SNX25: variants seen among roughly 807,000 people sequenced by gnomAD.
SNX25 encodes sorting nexin-25.
A neutral mutation model predicts 113.7 loss-of-function variants in SNX25; 62 were observed. The observed-to-expected ratio is 0.55, with a 90% CI of 0.44 to 0.67. SNX25 has a LOEUF of 0.67. Among genes scored for constraint, SNX25 ranks in the 30% least tolerant of loss-of-function variants. The probability of loss-of-function intolerance (pLI) is 0.00; values close to 1 mark genes in which losing one functional copy is unlikely to be tolerated. For synonymous variants in SNX25, 421 were observed against 436.2 expected, an observed-to-expected ratio of 0.97 and a Z score of 0.43; for missense variants, 1,014 against 1,161.0, an observed-to-expected ratio of 0.87 and a Z score of 1.84.
At position 185,334,287 on chromosome 4, in the gene SNX25, A is replaced by G. The variant is rs1579828627; in HGVS notation, c.1914+1528A>G. 2.0e-5 allele frequency among the ~76,000 whole-genome samples: 3 copies of G among 152,284 alleles called. No homozygotes were observed. In the South Asian group the frequency reaches 6.2e-4, roughly 32 times the overall value. Reference sequence around the variant, plus strand: ...CGGGAGGCAGAAGTTGCGTGAGCCAAGATCATGCCACTGCACTTCCAGCCT... The same window carrying G: ...CGGGAGGCAGAAGTTGCGTGAGCCAGGATCATGCCACTGCACTTCCAGCCT... On this transcript the variant is annotated intron_variant, in intron 10 of 18. Coordinates refer to ENST00000652585, the MANE Select transcript of SNX25 (RefSeq NM_001378034.2). The surrounding 1 kb of genome is among the most constrained non-coding windows in gnomAD (Gnocchi z 4.2).
chr4:185,370,181 A>G (rs2095410220), exon 12 of SNX25: 1 of 164,576 alleles, frequency 6.1e-6, no homozygotes, highest in Admixed American at 5.8e-5. Flanking sequence ...ACATGGATTA[A>G]AATATGAAAG....
At chr4:185,357,847 C>A in intron 16 of SNX25, 110 bp downstream of exon 16, 1 of 926,628 alleles carries the variant, frequency 1.1e-6, no homozygotes. Flanking sequence ...CTTTAATTTT[C>A]TCTCACTTTT....
At chr4:185,223,804 G>A (rs1238689888) in intron 1 of SNX25, among the ~76,000 whole-genome samples, 2 of 151,696 alleles carry the variant, frequency 1.3e-5, no homozygotes, top group Admixed American at 6.6e-5. Flanking sequence ...AGTAGCTGTT[G>A]ACACTCAATA....
intron 2 of SNX25, among the ~76,000 whole-genome samples, chr4:185,258,537 A>G (rs1000907198): frequency 2.6e-5 from 4 of 152,324 alleles, no homozygotes; most frequent in Non-Finnish European, 5.9e-5. Context: ...GGTACACTTC[A>G]TAAGTGTATT....
At chr4:185,315,024 C>A (rs909578995) in intron 7 of SNX25, among the ~76,000 whole-genome samples, 1 of 151,066 alleles carries the variant, frequency 6.6e-6, no homozygotes, top group South Asian at 2.1e-4. Flanking sequence ...GTCAGGAGAT[C>A]GAGACCATCC....
chr4:185,258,719 C>G, intron 2 of SNX25, 129 bp from the exon 3 acceptor site: 1 of 699,888 alleles, frequency 1.4e-6, no homozygotes, highest in Non-Finnish European at 2.3e-6. Flanking sequence ...CTCATGAGTT[C>G]TGTTTTCTCC....
At chr4:185,269,190 A>C (rs1748560980) in intron 5 of SNX25, among the ~76,000 whole-genome samples, 1 of 151,724 alleles carries the variant, frequency 6.6e-6, no homozygotes, top group South Asian at 2.1e-4. Context: ...CTTTTAAAGC[A>C]TCATTCTATA....
At chr4:185,222,329 C>T (rs1241014082) in intron 1 of SNX25, among the ~76,000 whole-genome samples, 1 of 151,262 alleles carries the variant, frequency 6.6e-6, no homozygotes, top group East Asian at 2.0e-4. Context: ...AGGTATACAG[C>T]ACCATATAAC....
At chr4:185,271,281 G>GTCTA in intron 5 of SNX25, among the ~76,000 whole-genome samples, 1 of 152,198 alleles carries the variant, frequency 6.6e-6, no homozygotes, top group East Asian at 1.9e-4. Flanking sequence ...CAGGTGACTA[G>GTCTA]TCTATTAGAG....
At chr4:185,250,726 T>C (rs567132648) in intron 2 of SNX25, among the ~76,000 whole-genome samples, 18 of 151,982 alleles carry the variant, frequency 1.2e-4, no homozygotes, top group African/African-American at 4.3e-4. Flanking sequence ...TTTATGGTTT[T>C]TTTTTTTTTT....
At chr4:185,285,947 T>TA (rs1035291567) in intron 5 of SNX25, among the ~76,000 whole-genome samples, 1 of 151,426 alleles carries the variant, frequency 6.6e-6, no homozygotes, top group East Asian at 1.9e-4. Context: ...TAATTTTTTT[T>TA]TTTTATTTTT....
At chr4:185,237,661 G>A (rs978273793) in intron 1 of SNX25, among the ~76,000 whole-genome samples, 3 of 151,890 alleles carry the variant, frequency 2.0e-5, no homozygotes, top group African/African-American at 7.3e-5. Context: ...ATGGCTCAAA[G>A]TTTAGCCCAA....
At chr4:185,263,540 A>G (rs949462610) in intron 3 of SNX25, among the ~76,000 whole-genome samples, 1 of 152,172 alleles carries the variant, frequency 6.6e-6, no homozygotes, top group Non-Finnish European at 1.5e-5. Context: ...CTAGCGTTAT[A>G]CACTCTAGAA....
chr4:185,319,418 T>TG (rs2095102561), intron 7 of SNX25, among the ~76,000 whole-genome samples: 1 of 150,248 alleles, frequency 6.7e-6, no homozygotes, highest in African/African-American at 2.4e-5. Flanking sequence ...AGGCTGGTCT[T>TG]GAACTCCTGA....
chr4:185,279,729 G>A (rs924638706), intron 5 of SNX25, among the ~76,000 whole-genome samples: 1 of 152,176 alleles, frequency 6.6e-6, no homozygotes, highest in African/African-American at 2.4e-5. Flanking sequence ...GTTCTGTTGG[G>A]AGGAGTATAA....
intron 1 of SNX25, among the ~76,000 whole-genome samples, chr4:185,225,783 G>A (rs1740910220): frequency 6.6e-6 from 1 of 152,188 alleles, no homozygotes; most frequent in South Asian, 2.1e-4. Context: ...TCATGTTGTG[G>A]ATGGGAAAAC....
chr4:185,324,356 G>A (rs1289313945), intron 9 of SNX25, among the ~76,000 whole-genome samples: 2 of 152,182 alleles, frequency 1.3e-5, no homozygotes, highest in Non-Finnish European at 1.5e-5. Flanking sequence ...AAAGAAACAC[G>A]AAAGACAGGT....
intron 5 of SNX25, among the ~76,000 whole-genome samples, chr4:185,272,138 C>T (rs957636225): frequency 6.6e-6 from 1 of 152,182 alleles, no homozygotes; most frequent in Non-Finnish European, 1.5e-5. Flanking sequence ...CAGTGACTGA[C>T]TCTGCTAATA....
intron 8 of SNX25, among the ~76,000 whole-genome samples, chr4:185,323,168 C>G (rs186143383): frequency 4.0e-4 from 61 of 152,158 alleles, no homozygotes; most frequent in Admixed American, 1.6e-3. Flanking sequence ...CTTCTAGTTA[C>G]TTATATTAGG....
Sources: gnomAD v4.1 joint callset for allele counts (sites outside exome capture counted in the v4.1 genomes callset) on GRCh38, gnomAD v4.1.1 for gene constraint, Gnocchi (gnomAD v3.1) non-coding constraint, MANE v1.5 for transcripts, NCBI Gene and HGNC (gene_info 2026-07-23, HGNC 2026-07-21) for gene names.